Variants in FGF14 observed in about 807,000 individuals in gnomAD.
FGF14 encodes the protein fibroblast growth factor homologous factor 4.
Under a neutral mutation model 25.5 loss-of-function variants are expected in FGF14, and 5 were observed. The observed-to-expected ratio is 0.20, with a 90% CI of 0.10 to 0.41. FGF14 has a LOEUF of 0.41. FGF14 is among the 10% of genes least tolerant of loss of function. The pLI is 1.00. For missense variants in FGF14, 222 were observed against 320.1 expected (o/e 0.69, Z 2.34); for synonymous variants, 138 against 118.3 (o/e 1.17, Z -1.08).
intron 1 of FGF14, among the ~76,000 whole-genome samples, chr13:102,322,688 C>T (rs1160063761): frequency 6.6e-6 from 1 of 152,138 alleles, no homozygotes; most frequent in Non-Finnish European, 1.5e-5. Context: ...ATGTAAAACA[C>T]AGGGCTGCAT....
chr13:102,401,647 G>C (rs1366241193), exon 1 of FGF14: 2 of 1,614,114 alleles, frequency 1.2e-6, no homozygotes, highest in East Asian at 2.2e-5. Flanking sequence ...TTTGAAATCA[G>C]TTCTCCTGAA....
Position 102,097,029 on chromosome 13 carries a change from CT to C in FGF14, c.209-221734del, listed in dbSNP as rs11413699. On this transcript the variant is annotated intron_variant, in intron 1 of 4. Coordinates refer to the FGF14 transcript ENST00000376131. Reference sequence around the variant, plus strand: ...CTGCTTCAGGCAAATGACTGGAGGACTTTTTTTTTTTTTTAAGCACTGTAGT... The same window carrying C: ...CTGCTTCAGGCAAATGACTGGAGGACTTTTTTTTTTTTTAAGCACTGTAGT... Among the ~76,000 whole-genome samples, 1,222 of 145,846 alleles carry C rather than the reference CT, an allele frequency of 8.4e-3. 13 individuals carry two copies. Among genetic ancestry groups the C allele is most frequent in the African/African-American group, 0.025 (991 of 39,582 alleles).
intron 1 of FGF14, among the ~76,000 whole-genome samples, chr13:102,098,102 G>T (rs899192155): frequency 6.6e-6 from 1 of 152,188 alleles, no homozygotes; most frequent in Non-Finnish European, 1.5e-5. Flanking sequence ...GTACACCTGT[G>T]ATTGGACCTG....
At chr13:102,192,083 C>T (rs1205835620) in intron 1 of FGF14, among the ~76,000 whole-genome samples, 1 of 152,210 alleles carries the variant, frequency 6.6e-6, no homozygotes, top group Admixed American at 6.5e-5. Flanking sequence ...GGCCCCACCC[C>T]CAGGCTTTAG....
rs1322856485 is a variant in FGF14 at position 102,055,788 on chromosome 13, GA to G, written c.209-180493del. On this transcript the variant is annotated intron_variant, in intron 1 of 4. Coordinates refer to the FGF14 transcript ENST00000376131. The stretch of plus-strand genomic sequence containing the variant: ...TGTATTAATCTATTTTCATACTGCT[GA>G]TAAATACATACCCGAGACTGGGTAA... Among the ~76,000 whole-genome samples the G allele has an allele frequency of 2.6e-5, 4 of 152,170 alleles. No individual in the cohort carries two copies. In the East Asian group the frequency reaches 7.7e-4, roughly 29 times the overall value.
intron 1 of FGF14, among the ~76,000 whole-genome samples, chr13:101,999,354 G>C (rs2039357323): frequency 6.6e-6 from 1 of 152,184 alleles, no homozygotes; most frequent in African/African-American, 2.4e-5. Flanking sequence ...CCATGGTGTG[G>C]TAGTCTGGGT....
At chr13:101,848,373 C>A (rs2043575802) in intron 3 of FGF14, among the ~76,000 whole-genome samples, 1 of 151,912 alleles carries the variant, frequency 6.6e-6, no homozygotes, top group South Asian at 2.1e-4. Flanking sequence ...ACTCCTACTC[C>A]AGTTGTCTTT....
intron 1 of FGF14, among the ~76,000 whole-genome samples, chr13:101,895,779 G>A (rs1463306149): frequency 6.6e-6 from 1 of 152,170 alleles, no homozygotes; most frequent in African/African-American, 2.4e-5. Context: ...GAGTTATATG[G>A]AGTGCCTAGA....
At chr13:101,975,015 C>T (rs2476238) in intron 1 of FGF14, among the ~76,000 whole-genome samples, 3 of 151,682 alleles carry the variant, frequency 2.0e-5, no homozygotes, top group Non-Finnish European at 4.4e-5. Flanking sequence ...GGGTGGGAAG[C>T]GTAAAATAAT....
At chr13:101,933,929 T>C (rs1337460860) in intron 1 of FGF14, among the ~76,000 whole-genome samples, 1 of 152,218 alleles carries the variant, frequency 6.6e-6, no homozygotes, top group Non-Finnish European at 1.5e-5. Context: ...TACACACATA[T>C]ATATATACAT....
intron 1 of FGF14, among the ~76,000 whole-genome samples, chr13:102,066,300 ATT>A (rs1351458612): frequency 2.0e-5 from 3 of 152,170 alleles, no homozygotes; most frequent in Admixed American, 1.3e-4. Context: ...GTCCTTTATC[ATT>A]GTTACTGTAG....
chr13:101,898,115 G>C (rs536142759), intron 1 of FGF14, among the ~76,000 whole-genome samples: 127 of 152,046 alleles, frequency 8.4e-4, no homozygotes, highest in African/African-American at 2.9e-3. Context: ...GGCTGGTATT[G>C]AACTCCTGAC....
chr13:102,355,355 C>T (rs2057392247), intron 1 of FGF14, among the ~76,000 whole-genome samples: 1 of 152,030 alleles, frequency 6.6e-6, no homozygotes, highest in South Asian at 2.1e-4. Flanking sequence ...TACTGAAGTC[C>T]TCCATCTATA....
At chr13:102,247,531 A>G (rs1453966277) in intron 1 of FGF14, among the ~76,000 whole-genome samples, 1 of 152,192 alleles carries the variant, frequency 6.6e-6, no homozygotes, top group Non-Finnish European at 1.5e-5. Context: ...AATCAAAACC[A>G]CAATGAGATA....
chr13:101,842,259 T>A (rs1047676046), intron 3 of FGF14, among the ~76,000 whole-genome samples: 1 of 152,032 alleles, frequency 6.6e-6, no homozygotes, highest in Admixed American at 6.6e-5. Flanking sequence ...CATTTCATCT[T>A]TGTGCCTCTT....
At chr13:101,998,063 G>A (rs143651142) in intron 1 of FGF14, among the ~76,000 whole-genome samples, 102 of 152,034 alleles carry the variant, frequency 6.7e-4, no homozygotes, top group Middle Eastern at 3.4e-3. Flanking sequence ...AATCTTTTAC[G>A]ATACTTGGAA....
intron 1 of FGF14, among the ~76,000 whole-genome samples, chr13:102,330,296 G>T (rs976858946): frequency 6.6e-6 from 1 of 152,022 alleles, no homozygotes; most frequent in African/African-American, 2.4e-5. Flanking sequence ...GCTCCTATCC[G>T]CTGCCTTCCT....
chr13:102,243,285 T>A (rs1420679648), intron 1 of FGF14, among the ~76,000 whole-genome samples: 1 of 152,086 alleles, frequency 6.6e-6, no homozygotes, highest in African/African-American at 2.4e-5. Context: ...GCTTTTACCA[T>A]CACAAATACA....
chr13:102,262,979 A>G (rs2052791605), intron 1 of FGF14: 2 of 482,874 alleles, frequency 4.1e-6, no homozygotes. Context: ...TCAGCTTGAT[A>G]TGGTAACATG....
Sources: gnomAD v4.1 joint callset for allele counts (sites outside exome capture counted in the v4.1 genomes callset) on GRCh38, gnomAD v4.1.1 for gene constraint, MANE v1.5 for transcripts, NCBI Gene and HGNC (gene_info 2026-07-23, HGNC 2026-07-21) for gene names.